Variants in DLG2 observed in about 807,000 individuals in gnomAD.
DLG2 encodes the protein disks large homolog 2.
DLG2 carries 45 observed loss-of-function variants against 132.5 expected under a neutral mutation model. That is an observed-to-expected ratio of 0.34 (90% CI 0.27 to 0.44). The LOEUF is 0.44. DLG2 is among the 20% of genes least tolerant of loss of function. The pLI, the probability that DLG2 is intolerant of heterozygous loss-of-function variation, is 1.00. For missense variants in DLG2, 1,045 were observed against 1,196.9 expected (o/e 0.87, Z 1.87); for synonymous variants, 424 against 419.6 (o/e 1.01, Z -0.13).
intron 9 of DLG2, among the ~76,000 whole-genome samples, chr11:84,148,089 C>A (rs2095153830): frequency 6.6e-6 from 1 of 152,066 alleles, no homozygotes; most frequent in Non-Finnish European, 1.5e-5. Flanking sequence ...TAGACTCTAA[C>A]AAGGTCTGAG....
intron 15 of DLG2, among the ~76,000 whole-genome samples, chr11:83,892,962 C>A (rs790342): frequency 6.6e-6 from 1 of 152,092 alleles, no homozygotes; most frequent in African/African-American, 2.4e-5. Context: ...CCAGTTCATT[C>A]CCTCCCATGT....
At chr11:85,392,655 G>A (rs562304310) in intron 3 of DLG2, among the ~76,000 whole-genome samples, 21 of 152,164 alleles carry the variant, frequency 1.4e-4, no homozygotes, top group Middle Eastern at 3.4e-3. Context: ...AGAGAACGCA[G>A]AAATAAACTC....
intron 16 of DLG2, among the ~76,000 whole-genome samples, chr11:83,840,944 G>A (rs548692239): frequency 1.5e-4 from 23 of 152,040 alleles, no homozygotes; most frequent in Middle Eastern, 3.4e-3. Flanking sequence ...ACTGTTTCCC[G>A]TTTGTCTTTT....
At chr11:84,916,589 A>G (rs1252660172) in intron 6 of DLG2, among the ~76,000 whole-genome samples, 1 of 152,098 alleles carries the variant, frequency 6.6e-6, no homozygotes, top group Non-Finnish European at 1.5e-5. Flanking sequence ...AGTTTTCAAC[A>G]TATTTCCCCT....
intron 6 of DLG2, among the ~76,000 whole-genome samples, chr11:84,543,618 T>G (rs1208945693): frequency 6.6e-6 from 1 of 152,126 alleles, no homozygotes; most frequent in Non-Finnish European, 1.5e-5. Context: ...TGATAAATGT[T>G]TGTTGAATAA....
intron 8 of DLG2, among the ~76,000 whole-genome samples, chr11:84,247,404 T>C (rs1464741818): frequency 6.6e-6 from 1 of 152,152 alleles, no homozygotes; most frequent in Non-Finnish European, 1.5e-5. Context: ...TGAAACACTA[T>C]TCAACATGTA....
intron 18 of DLG2, among the ~76,000 whole-genome samples, chr11:83,776,406 G>A (rs2094585001): frequency 6.6e-6 from 1 of 152,064 alleles, no homozygotes; most frequent in African/African-American, 2.4e-5. Context: ...CTGCATCCTT[G>A]AACTGCTGGT....
chr11:84,788,701 G>A (rs1446499893), intron 6 of DLG2, among the ~76,000 whole-genome samples: 1 of 151,938 alleles, frequency 6.6e-6, no homozygotes, highest in African/African-American at 2.4e-5. Flanking sequence ...CTACTACAGT[G>A]GGACCTCCAT....
At chr11:85,562,202 G>A (rs1025581927) in intron 3 of DLG2, among the ~76,000 whole-genome samples, 1 of 151,782 alleles carries the variant, frequency 6.6e-6, no homozygotes, top group South Asian at 2.1e-4. Flanking sequence ...AAGTGTAAGA[G>A]TCATGAGCAG....
chr11:85,240,901 A>G (rs1188214156), intron 4 of DLG2, among the ~76,000 whole-genome samples: 4 of 151,728 alleles, frequency 2.6e-5, no homozygotes, highest in African/African-American at 9.7e-5. Context: ...GTTATTCTTA[A>G]TATCTATACT....
chr11:85,279,351 G>A (rs2152749743), intron 4 of DLG2, among the ~76,000 whole-genome samples: 1 of 152,266 alleles, frequency 6.6e-6, no homozygotes, highest in Admixed American at 6.5e-5. Flanking sequence ...AAGGAGAGGG[G>A]AGGGAAGGAA....
At chr11:83,556,256 C>T (rs936444556) in intron 19 of DLG2, among the ~76,000 whole-genome samples, 8 of 151,846 alleles carry the variant, frequency 5.3e-5, no homozygotes, top group African/African-American at 1.9e-4. Flanking sequence ...GCACATCCAG[C>T]GAAACATGCG....
rs112812429 is a variant in DLG2, at chr11:85,336,835, A to G, written c.41-51470T>C. Among the ~76,000 whole-genome samples the G allele has an allele frequency of 9.2e-3, 1,408 of 152,250 alleles. 20 individuals carry two copies. The highest frequency in any genetic ancestry group is 0.032 in the African/African-American group (1,327 of 41,528). On this transcript the variant is annotated intron_variant, in intron 3 of 27. Transcript: ENST00000376104. ...ATTAGTATTCTTTTAACTTTAACCC[A>G]CTATTTAATGGAAAAAATTAACCAT...
At chr11:84,288,422 T>TTCA in intron 7 of DLG2, among the ~76,000 whole-genome samples, 9 of 152,202 alleles carry the variant, frequency 5.9e-5, no homozygotes, top group African/African-American at 2.2e-4. Flanking sequence ...ATTTGATACT[T>TTCA]TAGGCAATAA....
chr11:84,611,278 A>C (rs924696035), intron 6 of DLG2, among the ~76,000 whole-genome samples: 2 of 152,156 alleles, frequency 1.3e-5, no homozygotes, highest in Non-Finnish European at 2.9e-5. Flanking sequence ...TAAATAAATG[A>C]TGAGTGTTAA....
intron 27 of DLG2, 57 bp downstream of exon 27, chr11:83,461,945 C>T: frequency 1.6e-6 from 2 of 1,226,972 alleles, no homozygotes; most frequent in Non-Finnish European, 2.4e-6. Flanking sequence ...CCTCTCTGTG[C>T]CAAATGTCAG....
chr11:84,864,341 G>A (rs1404941770), intron 6 of DLG2, among the ~76,000 whole-genome samples: 2 of 152,088 alleles, frequency 1.3e-5, no homozygotes. Context: ...AGTAAACTCT[G>A]TCCTCAGTCT....
chr11:83,887,542 C>T (rs912015863), intron 15 of DLG2, among the ~76,000 whole-genome samples: 4 of 152,048 alleles, frequency 2.6e-5, no homozygotes, highest in Non-Finnish European at 4.4e-5. Context: ...TCGTACCATT[C>T]CTTGTGAAAC....
chr11:84,906,239 G>GT (rs113738126), intron 6 of DLG2, among the ~76,000 whole-genome samples: 17,664 of 131,462 alleles, frequency 0.13, 1,347 homozygotes, highest in African/African-American at 0.23. Context: ...TGGTTTTTTT[G>GT]TTTTTTTTTT....
Sources: allele counts gnomAD v4.1 joint callset (sites outside exome capture counted in the v4.1 genomes callset), GRCh38; gene constraint gnomAD v4.1.1; transcripts MANE v1.5; gene names NCBI Gene and HGNC (gene_info 2026-07-23, HGNC 2026-07-21).